SCAF11: variants seen among roughly 807,000 people sequenced by gnomAD.
SCAF11 encodes SR-related CTD associated factor 11.
SCAF11 carries 47 observed loss-of-function variants against 140.5 expected under a neutral mutation model. The ratio of observed to expected loss-of-function variants is 0.33; its 90% confidence interval spans 0.26 to 0.43. The LOEUF (loss-of-function observed/expected upper bound fraction) is 0.43, where lower values mean the gene tolerates loss of function less well. SCAF11 is among the 20% of genes least tolerant of loss of function. The pLI is 1.00. For missense variants in SCAF11, 1,645 were observed against 1,705.1 expected, an observed-to-expected ratio of 0.96 and a Z score of 0.62; for synonymous variants, 557 against 579.4, an observed-to-expected ratio of 0.96 and a Z score of 0.55.
At position 45,981,055 on chromosome 12, in the gene SCAF11, T is replaced by C. The variant is rs1216202921; in HGVS notation, c.-22+9298A>G. Among the ~76,000 whole-genome samples the C allele has an allele frequency of 3.3e-5, 5 of 152,164 alleles. No homozygotes were observed. The South Asian group carries it at 1.0e-3, about 31-fold the overall frequency. On this transcript the variant is annotated intron_variant, in intron 1 of 14. Coordinates refer to ENST00000369367, the MANE Select transcript of SCAF11 (RefSeq NM_004719.3). ...AAATATTGTCAAAGAGTATATATAG[T>C]TGGTTTTTGGAAGAGACAACTCAGA... is the stretch of plus-strand genomic sequence containing the variant.
rs531490852 is a variant in SCAF11, at chr12:45,967,572, A to T, written c.-21-3384T>A. Among the ~76,000 whole-genome samples the T allele has an allele frequency of 3.2e-3, 491 of 152,186 alleles. 2 individuals carry two copies. The highest frequency in any genetic ancestry group is 6.0e-3 in the Non-Finnish European group (411 of 68,008). ...GGCAGGAGAATTGCTTGAACCCAGG[A>T]GGCGGAGGTTGCAGTGAATCGAGAT... On this transcript the variant is annotated intron_variant, in intron 1 of 14. Coordinates refer to ENST00000369367, the MANE Select transcript of SCAF11 (RefSeq NM_004719.3).
At chr12:45,982,640 G>A (rs1051759504) in intron 1 of SCAF11, among the ~76,000 whole-genome samples, 1 of 152,198 alleles carries the variant, frequency 6.6e-6, no homozygotes, top group African/African-American at 2.4e-5. Context: ...GGGAAGCAAA[G>A]GTTACAGTGA....
At chr12:45,989,061 C>A (rs909793516) in intron 1 of SCAF11, among the ~76,000 whole-genome samples, 3 of 152,124 alleles carry the variant, frequency 2.0e-5, no homozygotes, top group African/African-American at 4.8e-5. Context: ...GTGACATGAT[C>A]AAGCCAACTG....
In SCAF11 at chr12:45,922,168, T is replaced by G; in HGVS notation, c.4272A>C (p.Val1424=). Residue 1424 remains valine (V), a synonymous_variant, in exon 15 of 15, where the codon GTA becomes GTC. Coordinates refer to ENST00000369367, the MANE Select transcript of SCAF11 (RefSeq NM_004719.3). ...DKVCHSKSGE[V]NSTKVANLVK... is the part of the protein sequence containing the mutation. Reference sequence around the variant, plus strand: ...CCAGATTTGCCACTTTAGTAGAATTTACTTCTCCACTCTTACTATGACAAA... The same window carrying G: ...CCAGATTTGCCACTTTAGTAGAATTGACTTCTCCACTCTTACTATGACAAA... The G allele has an allele frequency of 6.2e-7, 1 of 1,612,416 alleles. No homozygotes were observed. The highest frequency in any genetic ancestry group is 1.3e-5 in the African/African-American group (1 of 74,886).
At chr12:45,956,936 T>TC (rs1401181480) in intron 3 of SCAF11, among the ~76,000 whole-genome samples, 6 of 152,254 alleles carry the variant, frequency 3.9e-5, no homozygotes, top group Non-Finnish European at 8.8e-5. Context: ...CTAAAAAATT[T>TC]CCCAAAGGAT....
chr12:45,979,887 T>A (rs956137920), intron 1 of SCAF11, among the ~76,000 whole-genome samples: 38 of 144,948 alleles, frequency 2.6e-4, no homozygotes, highest in African/African-American at 1.0e-3. Context: ...AAACTTAAAA[T>A]TAAAAAAAAA....
At chr12:45,959,598 A>C (rs1945777258) in intron 3 of SCAF11, among the ~76,000 whole-genome samples, 1 of 152,180 alleles carries the variant, frequency 6.6e-6, no homozygotes, top group Non-Finnish European at 1.5e-5. Context: ...TATAATGATG[A>C]AAAAAAGAAA....
At chr12:45,978,862 C>G (rs1946291652) in intron 1 of SCAF11, among the ~76,000 whole-genome samples, 1 of 152,066 alleles carries the variant, frequency 6.6e-6, no homozygotes, top group South Asian at 2.1e-4. Flanking sequence ...TCTCTTAGTT[C>G]ATTTGTGCTG....
Position 45,940,991 on chromosome 12 carries a change from G to A in SCAF11, c.463+4258C>T, listed in dbSNP as rs117796190. Among the ~76,000 whole-genome samples, 36 of 152,164 alleles carry A rather than the reference G, an allele frequency of 2.4e-4. No individual in the cohort carries two copies. In the East Asian group the frequency reaches 6.2e-3, roughly 26 times the overall value. The stretch of plus-strand genomic sequence containing the variant: ...GGCTAATTTTTGTATTTTTTGTAGA[G>A]GTGGGTTTCGCCACGTTGCCTCAAT... On this transcript the variant is annotated intron_variant, in intron 6 of 14. Transcript: ENST00000369367.
At position 45,934,511 on chromosome 12, in the gene SCAF11, C is replaced by A; in HGVS notation, c.464-6G>T. The stretch of plus-strand genomic sequence containing the variant: ...TTCACTGTATAAAGAGTTTCCTGTA[C>A]AAAGACATAAAAGGACTTGGTTACC... On this transcript the variant is annotated splice_region_variant and splice_polypyrimidine_tract_variant and intron_variant, in intron 6 of 14. Transcript: ENST00000369367. 1 of 1,560,740 alleles carries A rather than the reference C, an allele frequency of 6.4e-7. No individual in the cohort carries two copies.
intron 1 of SCAF11, among the ~76,000 whole-genome samples, chr12:45,966,464 G>A (rs1328073403): frequency 6.6e-6 from 1 of 151,492 alleles, no homozygotes; most frequent in Non-Finnish European, 1.5e-5. Flanking sequence ...AAACAAAATA[G>A]TAAGTAAAAT....
chr12:45,989,891 G>C (rs998699446), intron 1 of SCAF11, among the ~76,000 whole-genome samples: 1 of 152,204 alleles, frequency 6.6e-6, no homozygotes, highest in Non-Finnish European at 1.5e-5. Flanking sequence ...CCGACACCGC[G>C]GTCGGGAGCG....
intron 8 of SCAF11, among the ~76,000 whole-genome samples, chr12:45,933,477 C>T (rs999736113): frequency 6.6e-6 from 1 of 152,074 alleles, no homozygotes; most frequent in Non-Finnish European, 1.5e-5. Flanking sequence ...GAATTTCTAT[C>T]TTAAGTGACA....
Position 45,926,908 on chromosome 12 carries a change from C to T in SCAF11, c.2793G>A (p.Lys931=), listed in dbSNP as rs1944882584. Residue 931 remains lysine (K), a synonymous_variant, in exon 11 of 15, where the codon AAG becomes AAA. Coordinates refer to ENST00000369367, the MANE Select transcript of SCAF11 (RefSeq NM_004719.3). Reference sequence around the variant, plus strand: ...TAGAATGAGATCTGGACCTAGACCACTTTCTGGTTCTCCTTTCTCTCTCTC... The same window carrying T: ...TAGAATGAGATCTGGACCTAGACCATTTTCTGGTTCTCCTTTCTCTCTCTC... ...QRRERERRTR[K]WSRSRSHSRS... is the part of the protein sequence containing the mutation. 2 of 1,613,384 alleles carry T rather than the reference C, an allele frequency of 1.2e-6. No homozygotes were observed. Among genetic ancestry groups the T allele is most frequent in the Non-Finnish European group, 1.7e-6 (2 of 1,180,010 alleles).
rs527821452 is a variant in SCAF11, at chr12:45,920,607, G to GA, written c.*1440dup. 0.01 allele frequency: 1,402 copies of GA among 135,198 alleles called. 10 individuals carry two copies. The highest frequency in any genetic ancestry group is 0.04 in the East Asian group (190 of 4,728). 8.4% of individuals were successfully genotyped at this position (135,198 alleles called of 1,614,324 possible). A position where few individuals can be genotyped will look rare whatever the true frequency, so the allele number is the denominator to read the frequency against. On this transcript the variant is annotated 3_prime_UTR_variant, in exon 15 of 15. Transcript: ENST00000369367. ...CTGAGATATTCTAGTATTAAAAAGA[G>GA]AAAAAAAAAAAAACCCAAATCCCTA...
At chr12:45,986,970 T>C (rs1946472648) in intron 1 of SCAF11, among the ~76,000 whole-genome samples, 2 of 152,212 alleles carry the variant, frequency 1.3e-5, no homozygotes, top group Admixed American at 1.3e-4. Context: ...ATCAGGCTAA[T>C]GCACTGCTCT....
At chr12:45,965,828 C>T (rs1017232747) in intron 1 of SCAF11, among the ~76,000 whole-genome samples, 2 of 152,120 alleles carry the variant, frequency 1.3e-5, no homozygotes, top group Non-Finnish European at 2.9e-5. Context: ...GGAAAATTCC[C>T]TATTTGGTTA....
chr12:45,927,824 G>T lies in SCAF11; in HGVS notation c.1877C>A (p.Ser626Tyr). The T allele has an allele frequency of 6.2e-7, 1 of 1,613,968 alleles. No homozygotes were observed. Among genetic ancestry groups the T allele is most frequent in the Non-Finnish European group, 8.5e-7 (1 of 1,179,992 alleles). ...CAATTGAACCTCTGGGCTCTTAACA[G>T]ATTGTCTGTCCACTGTCTGTATAAT... ...GEIIQTVDRQ[S>Y]VKSPEVQLLG... Residue 626 changes from serine (S) to tyrosine (Y), a missense_variant, in exon 11 of 15, where the codon TCT becomes TAT. By Grantham distance (144) the Ser-to-Tyr change is moderately radical (BLOSUM62 -2). This residue lies in a region of SCAF11 where 1,582 missense variants were observed against 1,609.2 expected (regional missense o/e 0.98). Transcript: ENST00000369367.
chr12:45,922,096 T>C lies in SCAF11; in HGVS notation c.4344A>G (p.Gln1448=). The C allele has an allele frequency of 1.2e-6, 2 of 1,613,882 alleles. No individual in the cohort carries two copies. The highest frequency in any genetic ancestry group is 1.7e-6 in the Non-Finnish European group (2 of 1,179,940). ...DKYKYSRKGS[Q]KKTLEEPVST... ...ACACAGGTTCTTCCAGAGTTTTCTT[T>C]TGGCTCCCCTTCCGTGAATATTTGT... is the stretch of plus-strand genomic sequence containing the variant. Residue 1448 remains glutamine (Q), a synonymous_variant, in exon 15 of 15, where the codon CAA becomes CAG. Transcript: ENST00000369367.
Sources: allele counts gnomAD v4.1 joint callset (sites outside exome capture counted in the v4.1 genomes callset), GRCh38; gene constraint gnomAD v4.1.1; regional missense constraint gnomAD v4.1.1; transcripts MANE v1.5; gene names NCBI Gene and HGNC (gene_info 2026-07-23, HGNC 2026-07-21).